The following PARP16 variants were observed in gnomAD, a reference collection of about 807,000 sequenced individuals.
PARP16 encodes the protein poly(ADP-ribose) polymerase family member 16.
A neutral mutation model predicts 35.0 loss-of-function variants in PARP16; 31 were observed. The observed-to-expected ratio is 0.88, with a 90% confidence interval of 0.66 to 1.19. PARP16 has a LOEUF of 1.19. Ranked by LOEUF, PARP16 falls within the 50% of genes most tolerant of loss-of-function variation. The probability of loss-of-function intolerance (pLI) is 0.00; values close to 1 mark genes in which losing one functional copy is unlikely to be tolerated. For synonymous variants in PARP16, 162 were observed against 169.5 expected (o/e 0.96, Z 0.34); for missense variants, 424 against 411.2 (o/e 1.03, Z -0.27).
At chr15:65,245,784 G>C (rs548358506) in intron 3 of PARP16, among the ~76,000 whole-genome samples, 115 of 152,288 alleles carry the variant, frequency 7.6e-4, no homozygotes, top group South Asian at 3.9e-3. Context: ...CTGGCCGTCA[G>C]CAGCTATTTG....
chr15:65,243,618 C>T (rs2089136284), intron 3 of PARP16, among the ~76,000 whole-genome samples: 1 of 152,024 alleles, frequency 6.6e-6, no homozygotes, highest in Non-Finnish European at 1.5e-5. Context: ...GGAAGTATTC[C>T]CTCCTTTTCA....
intron 2 of PARP16, among the ~76,000 whole-genome samples, chr15:65,270,094 G>A (rs529251): frequency 5.3e-4 from 80 of 152,186 alleles, no homozygotes; most frequent in Middle Eastern, 3.4e-3. Flanking sequence ...TAGGAAAGAT[G>A]TGTGTCTTTG....
chr15:65,286,276 C>T lies in PARP16; in HGVS notation c.151G>A (p.Asp51Asn), dbSNP rs553093494. 7.5e-5 allele frequency: 120 copies of T among 1,592,152 alleles called. No individual in the cohort carries two copies. In the South Asian group the frequency reaches 1.2e-3, roughly 16 times the overall value. Residue 51 changes from aspartate to asparagine, a missense_variant, in exon 1 of 6, where the codon GAC (aspartate) becomes AAC (asparagine). Coordinates refer to ENST00000649807, the MANE Select transcript of PARP16 (RefSeq NM_001316943.2). ...ACCAGGGCTTCAAAGTCCTTACAGTCGCCGCGGGCGTAGGACGCGGGGAAG... is the reference window on the plus strand; with the variant it reads ...ACCAGGGCTTCAAAGTCCTTACAGTTGCCGCGGGCGTAGGACGCGGGGAAG... ...RPFPASYARG[D>N]CKDFEALLAD...
chr15:65,253,405 A>G (rs948858905), downstream of PARP16, among the ~76,000 whole-genome samples: 8 of 147,780 alleles, frequency 5.4e-5, no homozygotes, highest in African/African-American at 2.0e-4. Flanking sequence ...ATCTCGGCTC[A>G]CTGCAAGCTC....
At chr15:65,242,149 T>A (rs1247550072) in intron 3 of PARP16, among the ~76,000 whole-genome samples, 1 of 152,218 alleles carries the variant, frequency 6.6e-6, no homozygotes, top group African/African-American at 2.4e-5. Context: ...AAAGGTACTT[T>A]GTCACCTTCA....
At chr15:65,260,522 A>T (rs1208292602) in intron 5 of PARP16, among the ~76,000 whole-genome samples, 1 of 152,190 alleles carries the variant, frequency 6.6e-6, no homozygotes, top group Non-Finnish European at 1.5e-5. Context: ...GCACAATCAC[A>T]ACCGGTGTCC....
At chr15:65,235,740 G>A (rs1359484466) in intron 3 of PARP16, among the ~76,000 whole-genome samples, 2 of 151,066 alleles carry the variant, frequency 1.3e-5, no homozygotes, top group African/African-American at 2.4e-5. Context: ...GCCTGGAGTC[G>A]AGGGGGCAGT....
intron 3 of PARP16, among the ~76,000 whole-genome samples, chr15:65,240,502 C>A (rs1011188442): frequency 1.3e-5 from 2 of 152,064 alleles, no homozygotes; most frequent in Non-Finnish European, 2.9e-5. Flanking sequence ...AAAGTACAGG[C>A]GCAAGCTGCT....
At chr15:65,270,077 C>T (rs951163528) in intron 2 of PARP16, among the ~76,000 whole-genome samples, 3 of 152,084 alleles carry the variant, frequency 2.0e-5, no homozygotes, top group South Asian at 2.1e-4. Context: ...CCAAATTCTA[C>T]GCCACATAGG....
intron 3 of PARP16, among the ~76,000 whole-genome samples, chr15:65,238,898 G>T (rs1595978180): frequency 6.6e-6 from 1 of 151,990 alleles, no homozygotes; most frequent in Non-Finnish European, 1.5e-5. Context: ...GGAGGCAGAG[G>T]CAGGAGCACT....
At chr15:65,271,769 G>A (rs1221386848) in intron 1 of PARP16, among the ~76,000 whole-genome samples, 2 of 152,166 alleles carry the variant, frequency 1.3e-5, no homozygotes, top group South Asian at 2.1e-4. Flanking sequence ...TGGGTAAAGC[G>A]CTACATTACA....
intron 1 of PARP16, among the ~76,000 whole-genome samples, chr15:65,284,543 G>C (rs1174904852): frequency 6.6e-6 from 1 of 151,546 alleles, no homozygotes; most frequent in Non-Finnish European, 1.5e-5. Context: ...GTCCAGGCTG[G>C]TCTTGAACTC....
chr15:65,269,176 T>TCTCTC (rs1555423772), intron 2 of PARP16, among the ~76,000 whole-genome samples: 1 of 146,054 alleles, frequency 6.8e-6, no homozygotes, highest in Admixed American at 6.9e-5. Flanking sequence ...TAGTCGGTTT[T>TCTCTC]TTTCTTTCTT....
chr15:65,263,585 A>G (rs575710865), intron 3 of PARP16, among the ~76,000 whole-genome samples: 36 of 152,190 alleles, frequency 2.4e-4, no homozygotes, highest in Non-Finnish European at 4.1e-4. Flanking sequence ...GTCAAGGTTG[A>G]GTGAGAAAAA....
In PARP16 at chr15:65,286,310, C is replaced by A. The variant is rs749285238; in HGVS notation, c.117G>T (p.Val39=). ...SALQSYKRDS[V]LRPFPASYAR... ...CGTAGGACGCGGGGAAGGGCCGCAGCACCGAGTCGCGCTTGTAGCTCTGCA... is the reference window on the plus strand; with the variant it reads ...CGTAGGACGCGGGGAAGGGCCGCAGAACCGAGTCGCGCTTGTAGCTCTGCA... Residue 39 remains valine, a synonymous_variant, in exon 1 of 6, where the codon GTG becomes GTT. Coordinates refer to ENST00000649807, the MANE Select transcript of PARP16 (RefSeq NM_001316943.2). The A allele has an allele frequency of 4.4e-6, 7 of 1,604,360 alleles. No homozygotes were observed. Among genetic ancestry groups the A allele is most frequent in the Middle Eastern group, 3.3e-4 (2 of 6,032 alleles).
Position 65,261,014 on chromosome 15 carries a change from A to T in PARP16, c.704T>A (p.Ile235Lys). 1 of 1,613,736 alleles carries T rather than the reference A, an allele frequency of 6.2e-7. No homozygotes were observed. Among genetic ancestry groups the T allele is most frequent in the South Asian group, 1.1e-5 (1 of 91,060 alleles). Reference sequence around the variant, plus strand: ...TTTGATTCTCGCTCGTCTGCGATCTATCTCCTTGGAATCTGAATAAGGAGA... The same window carrying T: ...TTTGATTCTCGCTCGTCTGCGATCTTTCTCCTTGGAATCTGAATAAGGAGA... ...CQTKKKDSKE[I>K]DRRRARIKHS... The change falls in exon 5 of 6, where the codon ATA (isoleucine) becomes AAA (lysine). Residue 235 changes from isoleucine (I) to lysine (K), a missense_variant. Ile to Lys is a moderately radical substitution (Grantham distance 102). Coordinates refer to ENST00000649807, the MANE Select transcript of PARP16 (RefSeq NM_001316943.2).
chr15:65,268,363 G>A (rs2089974293), intron 2 of PARP16, among the ~76,000 whole-genome samples: 1 of 152,162 alleles, frequency 6.6e-6, no homozygotes, highest in African/African-American at 2.4e-5. Flanking sequence ...CCCCAGAAAT[G>A]TAAGTGAGGC....
At chr15:65,283,676 C>CT (rs781718954) in intron 1 of PARP16, among the ~76,000 whole-genome samples, 11 of 152,182 alleles carry the variant, frequency 7.2e-5, no homozygotes, top group Non-Finnish European at 1.5e-4. Flanking sequence ...AAGCTGAGAG[C>CT]TAGGGGGTGT....
At chr15:65,279,511 A>T (rs1025994933) in intron 1 of PARP16, among the ~76,000 whole-genome samples, 4 of 152,146 alleles carry the variant, frequency 2.6e-5, no homozygotes, top group Non-Finnish European at 5.9e-5. Flanking sequence ...ACCCACTGAC[A>T]GTCACATAAT....
Sources: allele counts gnomAD v4.1 joint callset (sites outside exome capture counted in the v4.1 genomes callset), GRCh38; gene constraint gnomAD v4.1.1; transcripts MANE v1.5; gene names NCBI Gene and HGNC (gene_info 2026-07-23, HGNC 2026-07-21).